DCC: variants seen among roughly 807,000 people sequenced by gnomAD.
DCC encodes netrin receptor DCC.
DCC carries 58 observed loss-of-function variants against 172.5 expected under a neutral mutation model. The ratio of observed to expected loss-of-function variants is 0.34; its 90% CI spans 0.27 to 0.42. The LOEUF is 0.42. Ranked by LOEUF, DCC falls within the 10% of genes least tolerant of loss-of-function variation. DCC has a pLI of 1.00. For synonymous variants in DCC, 709 were observed against 644.5 expected, an observed-to-expected ratio of 1.10 and a Z score of -1.52; for missense variants, 1,740 against 1,791.0, an observed-to-expected ratio of 0.97 and a Z score of 0.51.
chr18:52,584,822 G>C (rs1349842306), intron 1 of DCC, among the ~76,000 whole-genome samples: 1 of 151,730 alleles, frequency 6.6e-6, no homozygotes, highest in East Asian at 1.9e-4. Context: ...TTACCGAGAC[G>C]AGCCACTGCA....
rs1177603706 is a variant in DCC at position 53,428,101 on chromosome 18, AATATAATATAATAATATATAATATATAAT to A, written c.3164-7039_3164-7011del. ...TATATTATAATAATATATAATATAT[AATATAATATAATAATATATAATATATAAT>A]ATAATATAATAATATATAATATATA... is the stretch of plus-strand genomic sequence containing the variant. On this transcript the variant is annotated intron_variant, in intron 21 of 28. Coordinates refer to ENST00000442544, the MANE Select transcript of DCC (RefSeq NM_005215.4). Among the ~76,000 whole-genome samples the A allele has an allele frequency of 4.4e-4, 4 of 9,098 alleles. 1 individual carries two copies. The highest frequency in any genetic ancestry group is 1.5e-3 in the African/African-American group (4 of 2,646). The allele number at this position is 9,098 out of a possible 152,430, so 6.0% of individuals were successfully genotyped here. A position where few individuals can be genotyped will look rare whatever the true frequency, so the allele number is the denominator to read the frequency against.
At chr18:52,901,657 C>T (rs1162202383) in intron 2 of DCC, among the ~76,000 whole-genome samples, 2 of 152,118 alleles carry the variant, frequency 1.3e-5, no homozygotes, top group African/African-American at 4.8e-5. Context: ...GGGGAAGTGA[C>T]TCCAGGTAAT....
At chr18:52,527,783 T>A (rs1346746457) in intron 1 of DCC, among the ~76,000 whole-genome samples, 1 of 152,202 alleles carries the variant, frequency 6.6e-6, no homozygotes, top group African/African-American at 2.4e-5. Context: ...AAAAGTATTT[T>A]CAAGAAGAAA....
chr18:53,089,297 G>C lies in DCC; in HGVS notation c.1261+23131G>C, dbSNP rs2042967675. Among the ~76,000 whole-genome samples, 2 of 152,122 alleles carry C rather than the reference G, an allele frequency of 1.3e-5. 1 individual carries two copies. The highest frequency in any genetic ancestry group is 4.2e-4 in the South Asian group (2 of 4,808). On this transcript the variant is annotated intron_variant, in intron 7 of 28. Transcript: ENST00000442544. ...GACAGGGTTTCACCTTGTTGGCCAGGCTGGCTTTGAATTCCTGACCTCAAA... is the reference window on the plus strand; with the variant it reads ...GACAGGGTTTCACCTTGTTGGCCAGCCTGGCTTTGAATTCCTGACCTCAAA...
At chr18:53,156,512 T>C (rs960942614) in intron 7 of DCC, among the ~76,000 whole-genome samples, 13 of 151,938 alleles carry the variant, frequency 8.6e-5, no homozygotes, top group Admixed American at 2.6e-4. Flanking sequence ...AGAATCAACT[T>C]CGTTACCATT....
chr18:52,771,346 C>T (rs552439907), intron 2 of DCC, among the ~76,000 whole-genome samples: 194 of 152,172 alleles, frequency 1.3e-3, no homozygotes, highest in African/African-American at 4.3e-3. Context: ...AATATTTATT[C>T]AAATTAAAAG....
At chr18:53,209,521 T>C (rs2055712783) in intron 11 of DCC, among the ~76,000 whole-genome samples, 1 of 152,196 alleles carries the variant, frequency 6.6e-6, no homozygotes, top group African/African-American at 2.4e-5. Context: ...AGTACCTGGG[T>C]GTACATTTCA....
rs2144643182 is a variant in DCC at position 53,243,741 on chromosome 18, G to A, written c.1911+28144G>A. Among the ~76,000 whole-genome samples the A allele has an allele frequency of 2.0e-5, 3 of 152,224 alleles. No homozygotes were observed. In the South Asian group the frequency reaches 6.2e-4, roughly 32 times the overall value. On this transcript the variant is annotated intron_variant, in intron 12 of 28. Transcript: ENST00000442544. Reference sequence around the variant, plus strand: ...ATGGAGTATTAACGACATAATGTTTGTATACAAAACAGGGTCACTCAACTG... The same window carrying A: ...ATGGAGTATTAACGACATAATGTTTATATACAAAACAGGGTCACTCAACTG...
chr18:52,845,343 T>C (rs992581649), intron 2 of DCC, among the ~76,000 whole-genome samples: 2 of 152,212 alleles, frequency 1.3e-5, no homozygotes, highest in East Asian at 3.9e-4. Context: ...ATGTGAAAGA[T>C]AGTAAAAGTT....
At chr18:52,606,536 A>G (rs1598951078) in intron 1 of DCC, among the ~76,000 whole-genome samples, 1 of 151,998 alleles carries the variant, frequency 6.6e-6, no homozygotes, top group Admixed American at 6.6e-5. Context: ...TGATGGCAGG[A>G]AACATGAAGG....
chr18:53,178,811 A>G (rs2055149586), intron 8 of DCC, 151 bp from the exon 9 acceptor site: 1 of 739,482 alleles, frequency 1.4e-6, no homozygotes, highest in Admixed American at 2.1e-5. Context: ...TTTTCTATAG[A>G]AAGTCTGAGG....
intron 1 of DCC, among the ~76,000 whole-genome samples, chr18:52,664,182 C>T (rs527357916): frequency 1.2e-4 from 18 of 152,216 alleles, no homozygotes; most frequent in African/African-American, 4.1e-4. Flanking sequence ...AGAAAGAGAA[C>T]TTAATCTTAG....
intron 7 of DCC, among the ~76,000 whole-genome samples, chr18:53,154,646 G>A (rs1397322745): frequency 6.6e-6 from 1 of 152,148 alleles, no homozygotes; most frequent in Non-Finnish European, 1.5e-5. Context: ...TGGCAGTGGA[G>A]ACGCAATAGT....
chr18:53,432,740 C>CATT (rs3059177), intron 21 of DCC, among the ~76,000 whole-genome samples: 2,552 of 150,650 alleles, frequency 0.017, 58 homozygotes, highest in African/African-American at 0.056. Flanking sequence ...AATCTTTTAT[C>CATT]ATTATTATTA....
intron 12 of DCC, among the ~76,000 whole-genome samples, chr18:53,250,628 C>T (rs2056418523): frequency 8.0e-6 from 1 of 125,774 alleles, no homozygotes; most frequent in South Asian, 2.6e-4. Context: ...TGTGTTCCAT[C>T]TCCTACAGAT....
intron 1 of DCC, among the ~76,000 whole-genome samples, chr18:52,372,157 C>A (rs1424401179): frequency 6.6e-6 from 1 of 152,182 alleles, no homozygotes; most frequent in African/African-American, 2.4e-5. Context: ...CCTCCAACTA[C>A]AAAGAGCTGG....
At chr18:52,355,052 A>G (rs771132199) in intron 1 of DCC, among the ~76,000 whole-genome samples, 3 of 152,246 alleles carry the variant, frequency 2.0e-5, no homozygotes, top group African/African-American at 2.4e-5. Flanking sequence ...ATGGAACAAG[A>G]TAAAGTAGGT....
chr18:52,551,735 C>T (rs942865667), intron 1 of DCC, among the ~76,000 whole-genome samples: 2 of 141,450 alleles, frequency 1.4e-5, no homozygotes, highest in East Asian at 4.0e-4. Flanking sequence ...TCTACACACA[C>T]ACACACACAC....
At chr18:53,199,588 C>G (rs1284769302) in intron 9 of DCC, among the ~76,000 whole-genome samples, 1 of 127,346 alleles carries the variant, frequency 7.9e-6, no homozygotes, top group Non-Finnish European at 1.6e-5. Context: ...ATAATATATT[C>G]TTCATATATA....
Sources: allele counts gnomAD v4.1 joint callset (sites outside exome capture counted in the v4.1 genomes callset), GRCh38; gene constraint gnomAD v4.1.1; transcripts MANE v1.5; gene names NCBI Gene and HGNC (gene_info 2026-07-23, HGNC 2026-07-21).